SYT1: variants seen among roughly 807,000 people sequenced by gnomAD.
SYT1 encodes synaptotagmin 1.
Under a neutral mutation model 44.8 loss-of-function variants are expected in SYT1, and 8 were observed. The observed-to-expected ratio is 0.18, with a 90% CI of 0.10 to 0.32. SYT1 has a LOEUF of 0.32. Among genes scored for constraint, SYT1 ranks in the 10% least tolerant of loss-of-function variants. The pLI is 1.00. For missense variants in SYT1, 286 were observed against 509.3 expected, an observed-to-expected ratio of 0.56 and a Z score of 4.22; for synonymous variants, 154 against 188.8, an observed-to-expected ratio of 0.82 and a Z score of 1.51.
intron 8 of SYT1, among the ~76,000 whole-genome samples, chr12:79,347,227 A>G (rs1882651684): frequency 6.6e-6 from 1 of 152,068 alleles, no homozygotes; most frequent in South Asian, 2.1e-4. Flanking sequence ...TACCATCTTC[A>G]TGACCAATGC....
intron 4 of SYT1, among the ~76,000 whole-genome samples, chr12:79,276,672 CAAAAAAAA>C (rs570244503): frequency 8.6e-6 from 1 of 116,148 alleles, no homozygotes; most frequent in Non-Finnish European, 1.8e-5. Flanking sequence ...AAGACTCCAT[CAAAAAAAA>C]AAAAACAAAA....
rs1870306168 is a variant in SYT1 at position 79,439,880 on chromosome 12, A to C, written c.929-4193A>C. Among the ~76,000 whole-genome samples the C allele has an allele frequency of 2.6e-5, 4 of 151,324 alleles. No homozygotes were observed. In the South Asian group the frequency reaches 8.5e-4, roughly 32 times the overall value. On this transcript the variant is annotated intron_variant, in intron 9 of 10. Coordinates refer to ENST00000261205, the MANE Select transcript of SYT1 (RefSeq NM_005639.3). ...GTCTCTCTGACATATCACAAAGAGC[A>C]GCAGGTTTGGAGTCAGGATAGACTG...
intron 10 of SYT1, among the ~76,000 whole-genome samples, chr12:79,446,594 C>A (rs1163152124): frequency 6.6e-6 from 1 of 152,124 alleles, no homozygotes; most frequent in Non-Finnish European, 1.5e-5. Context: ...TAACCAATAA[C>A]TCTACCATCT....
At chr12:78,904,109 C>T (rs947670102) in intron 1 of SYT1, among the ~76,000 whole-genome samples, 1 of 151,822 alleles carries the variant, frequency 6.6e-6, no homozygotes, top group African/African-American at 2.4e-5. Flanking sequence ...TAGTCATAAA[C>T]CAAATTTACT....
chr12:79,061,834 GTTAAA>G (rs1443532912), intron 3 of SYT1, among the ~76,000 whole-genome samples: 2 of 152,072 alleles, frequency 1.3e-5, no homozygotes, highest in Non-Finnish European at 2.9e-5. Context: ...GATCATGAAG[GTTAAA>G]TTAAAGTGTT....
chr12:79,284,874 T>C (rs986581159), intron 4 of SYT1, among the ~76,000 whole-genome samples: 2 of 151,850 alleles, frequency 1.3e-5, no homozygotes, highest in South Asian at 2.1e-4. Context: ...CTAACATTAA[T>C]TGAGCTCTTG....
At chr12:79,220,191 C>A (rs911043197) in intron 4 of SYT1, among the ~76,000 whole-genome samples, 2 of 151,924 alleles carry the variant, frequency 1.3e-5, no homozygotes, top group South Asian at 2.1e-4. Flanking sequence ...TCTTGGTTAT[C>A]CAATTTGTTG....
At chr12:78,976,380 G>A (rs937470007) in intron 1 of SYT1, among the ~76,000 whole-genome samples, 2 of 152,098 alleles carry the variant, frequency 1.3e-5, no homozygotes, top group Admixed American at 1.3e-4. Context: ...AGCCATTCAG[G>A]GAATAAAACT....
At chr12:78,945,938 T>G (rs1878634413) in intron 1 of SYT1, among the ~76,000 whole-genome samples, 1 of 152,048 alleles carries the variant, frequency 6.6e-6, no homozygotes, top group South Asian at 2.1e-4. Context: ...ATAAAAGAAG[T>G]CTAGTTCAAA....
chr12:79,001,260 TAA>T (rs11315867), intron 2 of SYT1, among the ~76,000 whole-genome samples: 9 of 145,060 alleles, frequency 6.2e-5, no homozygotes, highest in East Asian at 4.0e-4. Context: ...TCATTTCTTT[TAA>T]AAAAAAAAAA....
intron 3 of SYT1, among the ~76,000 whole-genome samples, chr12:79,106,368 CAGA>C (rs548626359): frequency 8.7e-4 from 132 of 152,124 alleles, no homozygotes; most frequent in African/African-American, 3.1e-3. Context: ...AAAGGAAAGC[CAGA>C]AGAACAGGGA....
intron 3 of SYT1, among the ~76,000 whole-genome samples, chr12:79,215,846 T>G (rs916693595): frequency 1.3e-5 from 2 of 152,154 alleles, no homozygotes; most frequent in Non-Finnish European, 2.9e-5. Flanking sequence ...CTGAGATTAT[T>G]CTATTTTCAA....
At chr12:79,308,653 AAAG>A (rs1165641873) in intron 8 of SYT1, among the ~76,000 whole-genome samples, 1 of 145,232 alleles carries the variant, frequency 6.9e-6, no homozygotes, top group East Asian at 2.0e-4. Flanking sequence ...AGAAAGAAAG[AAAG>A]AAAAGAGAAG....
chr12:79,131,758 T>C (rs1384089861), intron 3 of SYT1, among the ~76,000 whole-genome samples: 1 of 152,200 alleles, frequency 6.6e-6, no homozygotes, highest in Non-Finnish European at 1.5e-5. Context: ...AATATATTTA[T>C]TTTGACTGTT....
At chr12:79,110,312 C>A (rs184343968) in intron 3 of SYT1, among the ~76,000 whole-genome samples, 22 of 152,046 alleles carry the variant, frequency 1.4e-4, no homozygotes, top group Admixed American at 1.3e-3. Flanking sequence ...TGTAATATGG[C>A]ACAGGAAAAA....
At chr12:78,909,388 T>C (rs1876179595) in intron 1 of SYT1, among the ~76,000 whole-genome samples, 1 of 151,910 alleles carries the variant, frequency 6.6e-6, no homozygotes, top group South Asian at 2.1e-4. Context: ...CATCTTCAAA[T>C]TGTTTTCGGT....
chr12:79,034,504 A>G (rs1413589177), intron 2 of SYT1, among the ~76,000 whole-genome samples: 1 of 151,768 alleles, frequency 6.6e-6, no homozygotes, highest in African/African-American at 2.4e-5. Context: ...TTGAATTTAG[A>G]TCCCAGCTCT....
chr12:78,963,591 A>G, intron 1 of SYT1, among the ~76,000 whole-genome samples: 1 of 152,142 alleles, frequency 6.6e-6, no homozygotes, highest in East Asian at 1.9e-4. Context: ...ATCATTAGGA[A>G]AATGCAAATC....
intron 1 of SYT1, among the ~76,000 whole-genome samples, chr12:78,930,616 A>ATTTT (rs1877579455): frequency 6.6e-6 from 1 of 151,634 alleles, no homozygotes; most frequent in Non-Finnish European, 1.5e-5. Context: ...TGATAATGAC[A>ATTTT]GGATTAAAAT....
Sources: gnomAD v4.1 joint callset for allele counts (sites outside exome capture counted in the v4.1 genomes callset) on GRCh38, gnomAD v4.1.1 for gene constraint, MANE v1.5 for transcripts, NCBI Gene and HGNC (gene_info 2026-07-23, HGNC 2026-07-21) for gene names.